NDUFS7: variants seen among roughly 807,000 people sequenced by gnomAD.
The protein encoded by NDUFS7 is NADH:ubiquinone oxidoreductase core subunit S7, also known as NADH dehydrogenase [ubiquinone] iron-sulfur protein 7, mitochondrial.
A neutral mutation model predicts 31.1 loss-of-function variants in NDUFS7; 11 were observed. The ratio of observed to expected loss-of-function variants is 0.35; its 90% CI spans 0.22 to 0.59. The LOEUF (loss-of-function observed/expected upper bound fraction) is 0.59, where lower values mean the gene tolerates loss of function less well. NDUFS7 is among the 20% of genes least tolerant of loss of function. The pLI is 0.79. For synonymous variants in NDUFS7, 136 were observed against 127.9 expected (o/e 1.06, Z -0.43); for missense variants, 263 against 324.2 (o/e 0.81, Z 1.45).
Position 1,390,964 on chromosome 19 carries a change from G to A in NDUFS7, c.322G>A (p.Val108Met), listed in dbSNP as rs368174338. Residue 108 changes from valine (V) to methionine (M), a missense_variant, in exon 5 of 8, where the codon GTG (valine) becomes ATG (methionine). Val to Met is a conservative substitution (Grantham distance 21, BLOSUM62 1). Transcript: ENST00000233627. Reference protein sequence around the residue: ...APRYDMDRFGVVFRASPRQSD... With the variant: ...APRYDMDRFGMVFRASPRQSD... ...CCGCTACGACATGGACCGCTTTGGC[G>A]TGGTCTTCCGCGCCAGCCCGCGCCA... is the stretch of plus-strand genomic sequence containing the variant. The A allele has an allele frequency of 3.8e-5, 62 of 1,612,110 alleles. No homozygotes were observed. Among genetic ancestry groups the A allele is most frequent in the African/African-American group, 9.4e-5 (7 of 74,786 alleles).
chr19:1,394,617 TCCCA>T, intron 7 of NDUFS7: 2 of 1,199,852 alleles, frequency 1.7e-6, no homozygotes, highest in African/African-American at 3.3e-5. Context: ...CGCCCCTCCC[TCCCA>T]GCGGACCGCG....
At chr19:1,385,216 C>T (rs1267157737) in intron 1 of NDUFS7, among the ~76,000 whole-genome samples, 2 of 152,208 alleles carry the variant, frequency 1.3e-5, no homozygotes, top group African/African-American at 4.8e-5. Flanking sequence ...CACCAGGCCC[C>T]TTGTTAAGAA....
chr19:1,387,936 C>T (rs1352452788), intron 2 of NDUFS7, 89 bp downstream of exon 2: 13 of 713,902 alleles, frequency 1.8e-5, no homozygotes, highest in African/African-American at 3.9e-5. Flanking sequence ...GTGGGGGGAG[C>T]GCCTTGTTGA....
At chr19:1,394,194 G>A (rs2082576501) in intron 7 of NDUFS7, 1 of 390,718 alleles carries the variant, frequency 2.6e-6, no homozygotes, top group African/African-American at 2.1e-5. Flanking sequence ...CTCTGACTTT[G>A]GATTCCGCTT....
At chr19:1,395,355 G>A (rs2082589649) in intron 7 of NDUFS7, 36 bp from the exon 8 acceptor site, 3 of 1,584,932 alleles carry the variant, frequency 1.9e-6, no homozygotes, top group Non-Finnish European at 2.6e-6. Flanking sequence ...GCGGGCTCCG[G>A]CTGCGGGAAG....
At chr19:1,389,098 G>C in intron 4 of NDUFS7, 160 bp downstream of exon 4, 1 of 734,854 alleles carries the variant, frequency 1.4e-6, no homozygotes, top group Non-Finnish European at 2.4e-6. Flanking sequence ...TGTATGGACA[G>C]ATGTGTACAC....
At chr19:1,386,567 G>C (rs887611977) in intron 1 of NDUFS7, 13 of 152,308 alleles carry the variant, frequency 8.5e-5, no homozygotes, top group African/African-American at 2.9e-4. Context: ...CGCAGCCTCT[G>C]CTCACTGCAA....
At position 1,391,069 on chromosome 19, in the gene NDUFS7, G is replaced by C. The variant is rs1418377330; in HGVS notation, c.408+19G>C. The C allele has an allele frequency of 1.9e-6, 3 of 1,612,298 alleles. No homozygotes were observed. The highest frequency in any genetic ancestry group is 2.5e-6 in the Non-Finnish European group (3 of 1,179,584). ...TCGCAAGGTAGGCCTCGTCCCAGCCGCCCAGCCGCCCCCAGAGTGAGCTGC... is the reference window on the plus strand; with the variant it reads ...TCGCAAGGTAGGCCTCGTCCCAGCCCCCCAGCCGCCCCCAGAGTGAGCTGC... On this transcript the variant is annotated intron_variant, in intron 5 of 7. Coordinates refer to ENST00000233627, the MANE Select transcript of NDUFS7 (RefSeq NM_024407.5).
Position 1,393,545 on chromosome 19 carries a change from A to G in NDUFS7, c.544+215A>G. 1 of 664,842 alleles carries G rather than the reference A, an allele frequency of 1.5e-6. No individual in the cohort carries two copies. The allele number at this position is 664,842 out of a possible 1,614,324, so 41.2% of individuals were successfully genotyped here. ...AGGCATCAGAGGGATCAGAGGGAGC[A>G]GGGGAAGCTGAGTGGAATTCCTGAC... On this transcript the variant is annotated intron_variant, in intron 7 of 7. Coordinates refer to ENST00000233627, the MANE Select transcript of NDUFS7 (RefSeq NM_024407.5). This position sits in a 1 kb window ranked among gnomAD's most constrained non-coding sequence, Gnocchi z 7.3.
intron 6 of NDUFS7, 134 bp downstream of exon 6, chr19:1,391,299 C>G (rs929212463): frequency 1.2e-4 from 138 of 1,142,614 alleles, no homozygotes; most frequent in Middle Eastern, 5.7e-4. Flanking sequence ...GCCCTTCAGC[C>G]GTCTCGGTGC....
At chr19:1,383,997 G>A (rs901951963) in intron 1 of NDUFS7, 55 bp downstream of exon 1, 2 of 1,531,400 alleles carry the variant, frequency 1.3e-6, no homozygotes, top group African/African-American at 1.4e-5. Flanking sequence ...GGCCGTGGGA[G>A]CCTCGGGTGT....
intron 1 of NDUFS7, 50 bp from the exon 2 acceptor site, chr19:1,387,761 C>G: frequency 6.3e-7 from 1 of 1,595,558 alleles, no homozygotes; most frequent in Non-Finnish European, 8.6e-7. Flanking sequence ...GAGGCCGGCC[C>G]TGCGTGCTGC....
At position 1,393,482 on chromosome 19, in the gene NDUFS7, G is replaced by T; in HGVS notation, c.544+152G>T. On this transcript the variant is annotated intron_variant, in intron 7 of 7. Coordinates refer to ENST00000233627, the MANE Select transcript of NDUFS7 (RefSeq NM_024407.5). The surrounding 1 kb of genome is among the most constrained non-coding windows in gnomAD (Gnocchi z 7.3). The stretch of plus-strand genomic sequence containing the variant: ...GGCCGACTCGGAGCGCTGCCTCTTA[G>T]TGGAGCCTGTCCCCTGTGAGAAGTC... The T allele has an allele frequency of 1.4e-6, 1 of 709,804 alleles. No homozygotes were observed. Among genetic ancestry groups the T allele is most frequent in the South Asian group, 1.5e-5 (1 of 67,636 alleles). The allele number at this position is 709,804 out of a possible 1,614,324, so 44.0% of individuals were successfully genotyped here.
chr19:1,389,672 C>G, intron 4 of NDUFS7: 1 of 366,086 alleles, frequency 2.7e-6, no homozygotes, highest in African/African-American at 2.1e-5. Flanking sequence ...TGGCGCCAGC[C>G]CCCACGCAGC....
intron 4 of NDUFS7, 176 bp from the exon 5 acceptor site, chr19:1,390,695 C>A: frequency 1.6e-6 from 1 of 637,022 alleles, no homozygotes; most frequent in Non-Finnish European, 2.8e-6. Flanking sequence ...GCTGGTGGGG[C>A]GCGCTTTACA....
At chr19:1,389,229 ACTTGCACT>A (rs771898601) in intron 4 of NDUFS7, 1 of 670,626 alleles carries the variant, frequency 1.5e-6, no homozygotes, top group South Asian at 1.5e-5. Flanking sequence ...ACACATGCAC[ACTTGCACT>A]CATGCACACT....
intron 3 of NDUFS7, 115 bp downstream of exon 3, chr19:1,388,708 C>A: frequency 1.4e-6 from 2 of 1,409,890 alleles, no homozygotes; most frequent in Non-Finnish European, 9.8e-7. Context: ...GGGAGGGGGT[C>A]ACACATCCCA....
chr19:1,393,526 C>G lies in NDUFS7; in HGVS notation c.544+196C>G, dbSNP rs897920993. ...AGAAGTCGGCGATGTATTCAGGCAT[C>G]AGAGGGATCAGAGGGAGCAGGGGAA... On this transcript the variant is annotated intron_variant, in intron 7 of 7. Transcript: ENST00000233627. The surrounding 1 kb of genome is among the most constrained non-coding windows in gnomAD (Gnocchi z 7.3). The G allele has an allele frequency of 5.9e-6, 4 of 676,548 alleles. No homozygotes were observed. Among genetic ancestry groups the G allele is most frequent in the Non-Finnish European group, 1.1e-5 (4 of 369,298 alleles). The allele number at this position is 676,548 out of a possible 1,614,324, so 41.9% of individuals were successfully genotyped here.
intron 7 of NDUFS7, chr19:1,394,629 G>A (rs1254477256): frequency 4.2e-5 from 51 of 1,223,690 alleles, no homozygotes; most frequent in East Asian, 1.3e-4. Flanking sequence ...CCAGCGGACC[G>A]CGCTCCTCCC....
Sources: gnomAD v4.1 joint callset for allele counts (sites outside exome capture counted in the v4.1 genomes callset) on GRCh38, gnomAD v4.1.1 for gene constraint, Gnocchi (gnomAD v3.1) non-coding constraint, MANE v1.5 for transcripts, NCBI Gene and HGNC (gene_info 2026-07-23, HGNC 2026-07-21) for gene names.